The following FSTL4 variants were observed in gnomAD, a reference collection of about 807,000 sequenced individuals.
The protein encoded by FSTL4 is follistatin like 4.
Under a neutral mutation model 78.2 loss-of-function variants are expected in FSTL4, and 28 were observed. That is an observed-to-expected ratio of 0.36 (90% confidence interval 0.27 to 0.49). The LOEUF (loss-of-function observed/expected upper bound fraction) is 0.49, where lower values mean the gene tolerates loss of function less well. Among genes scored for constraint, FSTL4 ranks in the 20% least tolerant of loss-of-function variants. FSTL4 has a pLI of 0.98. For synonymous variants in FSTL4, 422 were observed against 440.5 expected (o/e 0.96, Z 0.53); for missense variants, 922 against 1,084.9 (o/e 0.85, Z 2.11).
the FSTL4 span, among the ~76,000 whole-genome samples, chr5:133,683,124 G>A: frequency 6.6e-6 from 1 of 152,204 alleles, no homozygotes; most frequent in Admixed American, 6.5e-5. Flanking sequence ...GTCTGCCAAG[G>A]GGTGTTGAAG....
intron 2 of FSTL4, among the ~76,000 whole-genome samples, chr5:133,591,933 C>T (rs959500326): frequency 1.3e-5 from 2 of 152,090 alleles, no homozygotes; most frequent in African/African-American, 2.4e-5. Flanking sequence ...TGTTAGCAGG[C>T]GATTCTGCTC....
intron 2 of FSTL4, among the ~76,000 whole-genome samples, chr5:133,573,600 G>T (rs934142280): frequency 1.3e-5 from 2 of 152,108 alleles, no homozygotes; most frequent in Non-Finnish European, 2.9e-5. Flanking sequence ...ACTAAGAGGA[G>T]AATTTTTTTA....
rs1242100505 is a variant in FSTL4, at chr5:133,201,922, G to T, written c.1826+11C>A. Reference sequence around the variant, plus strand: ...GGGGAGTGCCTTAGAGGCATCATGGGCCAGTCTCACCTGATGTGGTTGATG... The same window carrying T: ...GGGGAGTGCCTTAGAGGCATCATGGTCCAGTCTCACCTGATGTGGTTGATG... On this transcript the variant is annotated intron_variant, in intron 15 of 15. Transcript: ENST00000265342. 2.0e-6 allele frequency: 3 copies of T among 1,518,834 alleles called. No individual in the cohort carries two copies. Among genetic ancestry groups the T allele is most frequent in the African/African-American group, 1.4e-5 (1 of 73,316 alleles). 94.1% of individuals were successfully genotyped at this position (1,518,834 alleles called of 1,614,324 possible).
the FSTL4 span, among the ~76,000 whole-genome samples, chr5:133,752,762 G>A: frequency 2.6e-5 from 4 of 152,122 alleles, no homozygotes; most frequent in Middle Eastern, 3.2e-3. Context: ...GGGGTCATAG[G>A]GGGCAGGGGG....
chr5:133,655,880 G>A, the FSTL4 span, among the ~76,000 whole-genome samples: 1 of 152,114 alleles, frequency 6.6e-6, no homozygotes, highest in Non-Finnish European at 1.5e-5. Context: ...CAGTGAGATA[G>A]GCCGTTATTA....
intron 3 of FSTL4, among the ~76,000 whole-genome samples, chr5:133,412,526 G>C (rs1370200760): frequency 6.6e-6 from 1 of 152,148 alleles, no homozygotes; most frequent in East Asian, 1.9e-4. Flanking sequence ...AACTATAAAT[G>C]TTTAAATTAT....
the FSTL4 span, among the ~76,000 whole-genome samples, chr5:133,798,507 G>GA: frequency 1.5e-4 from 20 of 135,778 alleles, no homozygotes; most frequent in East Asian, 2.0e-4. Flanking sequence ...ACTAGATTTA[G>GA]AAAAAAAAAC....
chr5:133,617,174 C>G (rs1322068025), upstream of FSTL4, among the ~76,000 whole-genome samples: 1 of 151,982 alleles, frequency 6.6e-6, no homozygotes, highest in East Asian at 1.9e-4. Context: ...TGGCACGCGC[C>G]TATAGTCTCA....
chr5:133,385,656 A>G (rs1054462396), intron 4 of FSTL4, among the ~76,000 whole-genome samples: 1 of 152,174 alleles, frequency 6.6e-6, no homozygotes. Flanking sequence ...GCTAATTTTG[A>G]AAAAGGGAGA....
At chr5:133,430,688 C>T (rs1229946647) in intron 3 of FSTL4, among the ~76,000 whole-genome samples, 4 of 152,224 alleles carry the variant, frequency 2.6e-5, no homozygotes, top group African/African-American at 9.6e-5. Flanking sequence ...TCTTCCCTCC[C>T]TCTTTCCCTT....
chr5:133,622,913 C>A, the FSTL4 span, among the ~76,000 whole-genome samples: 1 of 152,180 alleles, frequency 6.6e-6, no homozygotes, highest in East Asian at 1.9e-4. Flanking sequence ...TTGATGCAGT[C>A]AGACTTATCA....
chr5:133,612,045 G>A lies in FSTL4; in HGVS notation c.-11+280C>T, dbSNP rs1026709607. Among the ~76,000 whole-genome samples the A allele has an allele frequency of 1.1e-4, 16 of 152,006 alleles. No homozygotes were observed. The highest frequency in any genetic ancestry group is 3.6e-4 in the African/African-American group (15 of 41,416). Reference sequence around the variant, plus strand: ...CAACCGGGTCACTCCGGTCCCCACCGTAGACCCCGGCCACGAGCCTCGGCG... The same window carrying A: ...CAACCGGGTCACTCCGGTCCCCACCATAGACCCCGGCCACGAGCCTCGGCG... On this transcript the variant is annotated intron_variant, in intron 1 of 15. Transcript: ENST00000265342. This position sits in a 1 kb window ranked among gnomAD's most constrained non-coding sequence, Gnocchi z 6.2.
intron 3 of FSTL4, among the ~76,000 whole-genome samples, chr5:133,423,528 A>G (rs2126989325): frequency 6.6e-6 from 1 of 152,336 alleles, no homozygotes; most frequent in South Asian, 2.1e-4. Context: ...CCCCTGCTAC[A>G]GGAGCGACAG....
intron 4 of FSTL4, among the ~76,000 whole-genome samples, chr5:133,355,697 A>C (rs745920135): frequency 6.6e-6 from 1 of 152,118 alleles, no homozygotes; most frequent in East Asian, 1.9e-4. Context: ...ACAAACAACA[A>C]CACAACAATG....
chr5:133,343,901 C>T (rs953037449), intron 4 of FSTL4, among the ~76,000 whole-genome samples: 35 of 152,292 alleles, frequency 2.3e-4, no homozygotes, highest in African/African-American at 7.0e-4. Flanking sequence ...AAATCAAATA[C>T]GATTATTGAT....
At chr5:133,686,891 G>T in the FSTL4 span, among the ~76,000 whole-genome samples, 2 of 152,230 alleles carry the variant, frequency 1.3e-5, no homozygotes, top group African/African-American at 2.4e-5. Context: ...AAGTAAGATT[G>T]TGTGGGGAGC....
chr5:133,433,364 AC>A (rs1398851818), intron 3 of FSTL4, among the ~76,000 whole-genome samples: 1 of 152,234 alleles, frequency 6.6e-6, no homozygotes, highest in Non-Finnish European at 1.5e-5. Context: ...GCAACGGGGT[AC>A]CCACGCAAGG....
At chr5:133,706,808 C>T in the FSTL4 span, among the ~76,000 whole-genome samples, 11 of 152,104 alleles carry the variant, frequency 7.2e-5, no homozygotes, top group Non-Finnish European at 1.5e-4. Context: ...ATTTGGAAAC[C>T]GTGCAATACT....
chr5:133,734,987 G>A, the FSTL4 span, among the ~76,000 whole-genome samples: 4 of 152,186 alleles, frequency 2.6e-5, no homozygotes, highest in Admixed American at 2.6e-4. Flanking sequence ...AGAACAGGGG[G>A]CCCCATGGGA....
Sources: allele counts gnomAD v4.1 joint callset (sites outside exome capture counted in the v4.1 genomes callset), GRCh38; gene constraint gnomAD v4.1.1; non-coding constraint Gnocchi (gnomAD v3.1); transcripts MANE v1.5; gene names NCBI Gene and HGNC (gene_info 2026-07-23, HGNC 2026-07-21).